The following STAT5B variants were observed in gnomAD, a reference collection of about 807,000 sequenced individuals.
STAT5B encodes transcription factor STAT5B.
In STAT5B, 21 loss-of-function variants were observed where a neutral mutation model predicts 107.8. That is an observed-to-expected ratio of 0.19 (90% CI 0.14 to 0.28). The LOEUF (loss-of-function observed/expected upper bound fraction) is 0.28, where lower values mean the gene tolerates loss of function less well. STAT5B is among the 10% of genes least tolerant of loss of function. The pLI, the probability that STAT5B is intolerant of heterozygous loss-of-function variation, is 1.00. For synonymous variants in STAT5B, 325 were observed against 401.7 expected, an observed-to-expected ratio of 0.81 and a Z score of 2.28; for missense variants, 565 against 1,008.2, an observed-to-expected ratio of 0.56 and a Z score of 5.95.
chr17:42,212,293 T>C, intron 12 of STAT5B, 103 bp from the exon 13 acceptor site: 1 of 1,573,974 alleles, frequency 6.4e-7, no homozygotes, highest in Non-Finnish European at 8.7e-7. Flanking sequence ...GTTACACACA[T>C]TTGTCTTGCA....
chr17:42,213,418 G>C (rs1057019592), intron 12 of STAT5B, among the ~76,000 whole-genome samples: 1 of 152,072 alleles, frequency 6.6e-6, no homozygotes, highest in Admixed American at 6.5e-5. Context: ...TGTTGACAAG[G>C]CTGGCCTCAA....
chr17:42,214,089 G>T, intron 12 of STAT5B: 1 of 463,086 alleles, frequency 2.2e-6, no homozygotes, highest in Non-Finnish European at 2.8e-6. Context: ...GCTGCAGTGA[G>T]CCGAGATAAT....
chr17:42,224,907 C>T (rs2080260477), intron 3 of STAT5B, 39 bp from the exon 4 acceptor site: 3 of 1,607,950 alleles, frequency 1.9e-6, no homozygotes, highest in Non-Finnish European at 2.6e-6. Flanking sequence ...TTGTGCCACT[C>T]CACACTATGG....
Position 42,202,374 on chromosome 17 carries a change from A to G in STAT5B, c.2203T>C (p.Cys735Arg), listed in dbSNP as rs2080052090. 3 of 1,614,198 alleles carry G rather than the reference A, an allele frequency of 1.9e-6. No individual in the cohort carries two copies. The highest frequency in any genetic ancestry group is 1.6e-4 in the Middle Eastern group (1 of 6,062). The part of the protein sequence containing the change: ...YMDQAPSPAV[C>R]PQAHYNMYPQ... Reference sequence around the variant, plus strand: ...TACATGTTATAGTGAGCCTGGGGACACACAGCTGGGGAGGGGGCCTGGTCC... The same window carrying G: ...TACATGTTATAGTGAGCCTGGGGACGCACAGCTGGGGAGGGGGCCTGGTCC... Residue 735 changes from cysteine to arginine, a missense_variant, in exon 18 of 19, where the codon TGT (cysteine) becomes CGT (arginine). Transcript: ENST00000293328.
Position 42,224,856 on chromosome 17 carries a change from G to A in STAT5B, c.298C>T (p.Arg100Cys), listed in dbSNP as rs199894785. The change falls in exon 4 of 19, where the codon CGC (arginine) becomes TGC (cysteine). Residue 100 changes from arginine to cysteine, a missense_variant. Arg to Cys is a radical substitution (Grantham distance 180). Coordinates refer to ENST00000293328, the MANE Select transcript of STAT5B (RefSeq NM_012448.4). ...YATQLQNTYDRCPMELVRCIR... is the reference protein window; with the variant it reads ...YATQLQNTYDCCPMELVRCIR... ...CAGCGGACCAGCTCCATGGGGCAGC[G>A]GTCATACGTGTTCTGAAAGAATCCA... The A allele has an allele frequency of 7.6e-5, 123 of 1,613,448 alleles. No homozygotes were observed. Among genetic ancestry groups the A allele is most frequent in the Non-Finnish European group, 9.9e-5 (117 of 1,179,676 alleles).
chr17:42,220,676 C>T (rs1298858703), intron 5 of STAT5B, among the ~76,000 whole-genome samples: 1 of 152,136 alleles, frequency 6.6e-6, no homozygotes, highest in East Asian at 1.9e-4. Context: ...GATGCAGAGC[C>T]ACCAAGATTC....
At chr17:42,227,432 C>T in intron 3 of STAT5B, 97 bp downstream of exon 3, 22 of 1,518,354 alleles carry the variant, frequency 1.4e-5, no homozygotes, top group Middle Eastern at 2.4e-4. Context: ...GCACGTGTAA[C>T]TCAACAATGC....
At position 42,263,972 on chromosome 17, in the gene STAT5B, T is replaced by C. The variant is rs115478858; in HGVS notation, c.-11+12276A>G. Among the ~76,000 whole-genome samples the C allele has an allele frequency of 3.9e-3, 586 of 151,628 alleles. 4 individuals are homozygous for C. The highest frequency in any genetic ancestry group is 0.014 in the African/African-American group (558 of 41,312). ...CGCCTGTTCTTTTTTCCAGGCACAATTGTATATGATTGTTTGTAATTTCAT... is the reference window on the plus strand; with the variant it reads ...CGCCTGTTCTTTTTTCCAGGCACAACTGTATATGATTGTTTGTAATTTCAT... On this transcript the variant is annotated intron_variant, in intron 1 of 18. Coordinates refer to ENST00000293328, the MANE Select transcript of STAT5B (RefSeq NM_012448.4).
intron 1 of STAT5B, among the ~76,000 whole-genome samples, chr17:42,244,292 T>C (rs988826075): frequency 2.7e-5 from 4 of 150,698 alleles, no homozygotes; most frequent in African/African-American, 9.8e-5. Flanking sequence ...GGTCTTGCTA[T>C]GTTGCCCAGG....
chr17:42,211,867 TA>T, intron 13 of STAT5B, 116 bp downstream of exon 13: 1 of 1,469,472 alleles, frequency 6.8e-7, no homozygotes, highest in South Asian at 1.2e-5. Flanking sequence ...AAGCTTCTAT[TA>T]CTTTCGGTAC....
chr17:42,222,808 A>G (rs1191497489), intron 5 of STAT5B, among the ~76,000 whole-genome samples: 2 of 151,704 alleles, frequency 1.3e-5, no homozygotes, highest in East Asian at 3.9e-4. Context: ...CAGCCTCCCA[A>G]GTAGCTGGGA....
chr17:42,265,821 A>C (rs1353677244), intron 1 of STAT5B, among the ~76,000 whole-genome samples: 1 of 152,134 alleles, frequency 6.6e-6, no homozygotes, highest in Non-Finnish European at 1.5e-5. Context: ...TAACTGAAAA[A>C]ACTTGTCATT....
At chr17:42,245,686 C>A (rs1276441554) in intron 1 of STAT5B, among the ~76,000 whole-genome samples, 1 of 152,064 alleles carries the variant, frequency 6.6e-6, no homozygotes, top group Non-Finnish European at 1.5e-5. Context: ...CCATGCCCGG[C>A]TAATTTTTTG....
In STAT5B at chr17:42,202,577, C is replaced by A. The variant is rs183211945; in HGVS notation, c.2130-130G>T. 402 of 1,437,902 alleles carry A rather than the reference C, an allele frequency of 2.8e-4. 3 individuals carry two copies. In the Admixed American group the frequency reaches 6.8e-3, roughly 24 times the overall value. The allele number at this position is 1,437,902 out of a possible 1,614,324, so 89.1% of individuals were successfully genotyped here. A position where few individuals can be genotyped will look rare whatever the true frequency, so the allele number is the denominator to read the frequency against. On this transcript the variant is annotated intron_variant, in intron 17 of 18. Coordinates refer to ENST00000293328, the MANE Select transcript of STAT5B (RefSeq NM_012448.4). ...CAAAGTGCCCCACTCGGCCCTGGGGCTCCAGCTACAGGAGTGGGGCCTCAG... is the reference window on the plus strand; with the variant it reads ...CAAAGTGCCCCACTCGGCCCTGGGGATCCAGCTACAGGAGTGGGGCCTCAG...
At chr17:42,248,951 T>C (rs1183001112) in intron 1 of STAT5B, among the ~76,000 whole-genome samples, 1 of 152,224 alleles carries the variant, frequency 6.6e-6, no homozygotes, top group Non-Finnish European at 1.5e-5. Flanking sequence ...AGTGTCTCGC[T>C]TGACTGAACG....
intron 4 of STAT5B, 143 bp downstream of exon 4, chr17:42,224,627 GTCTCCTATT>G (rs1194976219): frequency 1.3e-6 from 1 of 795,434 alleles, no homozygotes; most frequent in Non-Finnish European, 2.1e-6. Flanking sequence ...ACTCAGTCAA[GTCTCCTATT>G]TCTTTTGTGC....
At chr17:42,278,935 C>T (rs1400908431), upstream of STAT5B, among the ~76,000 whole-genome samples, 2 of 151,400 alleles carry the variant, frequency 1.3e-5, no homozygotes, top group African/African-American at 2.4e-5. Context: ...GCCGAGATCA[C>T]GAAACTGCAC....
At chr17:42,256,932 T>C (rs541306838) in intron 1 of STAT5B, among the ~76,000 whole-genome samples, 2 of 151,336 alleles carry the variant, frequency 1.3e-5, no homozygotes, top group Admixed American at 1.3e-4. Context: ...TCTTAATCTC[T>C]TACTGTGCCT....
intron 1 of STAT5B, among the ~76,000 whole-genome samples, chr17:42,242,072 C>T (rs6503691): frequency 0.25 from 38,334 of 151,872 alleles, 8,287 homozygotes; most frequent in African/African-American, 0.59. Context: ...AGACAATCCG[C>T]CATTAATCTT....
Sources: allele counts gnomAD v4.1 joint callset (sites outside exome capture counted in the v4.1 genomes callset), GRCh38; gene constraint gnomAD v4.1.1; transcripts MANE v1.5; gene names NCBI Gene and HGNC (gene_info 2026-07-23, HGNC 2026-07-21).